The following SPIRE1 variants were observed in gnomAD, a reference collection of about 807,000 sequenced individuals.
SPIRE1 encodes the protein protein spire homolog 1.
SPIRE1 carries 40 observed loss-of-function variants against 94.1 expected under a neutral mutation model. The observed-to-expected ratio is 0.43, with a 90% CI of 0.33 to 0.55. The LOEUF (loss-of-function observed/expected upper bound fraction) is 0.55. Ranked by LOEUF, SPIRE1 falls within the 20% of genes least tolerant of loss-of-function variation. SPIRE1 has a pLI of 0.06. For missense variants in SPIRE1, 838 were observed against 975.2 expected (o/e 0.86, Z 1.87); for synonymous variants, 376 against 371.7 (o/e 1.01, Z -0.13).
At chr18:12,661,453 C>T (rs747349674), upstream of SPIRE1, 2 of 565,662 alleles carry the variant, frequency 3.5e-6, no homozygotes, top group Non-Finnish European at 4.5e-6. Flanking sequence ...CAGCACTGTC[C>T]CATTTTCTCA....
At chr18:12,565,929 G>A (rs1342306734) in intron 2 of SPIRE1, among the ~76,000 whole-genome samples, 1 of 151,536 alleles carries the variant, frequency 6.6e-6, no homozygotes, top group Non-Finnish European at 1.5e-5. Flanking sequence ...AGCTACTCGG[G>A]AGGCTGAGGG....
At chr18:12,524,084 T>C (rs1236861084) in intron 4 of SPIRE1, among the ~76,000 whole-genome samples, 1 of 152,244 alleles carries the variant, frequency 6.6e-6, no homozygotes, top group Non-Finnish European at 1.5e-5. Context: ...TGCAGTGGTT[T>C]GGAATCCAAC....
intron 1 of SPIRE1, among the ~76,000 whole-genome samples, chr18:12,640,147 A>C (rs576581241): frequency 6.6e-6 from 1 of 152,358 alleles, no homozygotes; most frequent in South Asian, 2.1e-4. Context: ...TTAAAGTAGA[A>C]ACCTCAGCAT....
chr18:12,527,372 A>G (rs1208608695), intron 4 of SPIRE1, among the ~76,000 whole-genome samples: 1 of 152,182 alleles, frequency 6.6e-6, no homozygotes. Flanking sequence ...GAAGGGTAAT[A>G]CTACCAAACT....
intron 2 of SPIRE1, among the ~76,000 whole-genome samples, chr18:12,589,468 A>T (rs1282438701): frequency 6.6e-6 from 1 of 152,198 alleles, no homozygotes; most frequent in Non-Finnish European, 1.5e-5. Flanking sequence ...TCTTTCTATG[A>T]CCTTTCCTCA....
intron 1 of SPIRE1, chr18:12,636,252 T>C (rs756556928): frequency 1.3e-5 from 2 of 150,400 alleles, no homozygotes; most frequent in African/African-American, 2.4e-5. Flanking sequence ...TAAATTCAAA[T>C]ATGCATTTAG....
chr18:12,528,374 T>C (rs1320558585), intron 4 of SPIRE1, among the ~76,000 whole-genome samples: 1 of 152,088 alleles, frequency 6.6e-6, no homozygotes, highest in Non-Finnish European at 1.5e-5. Flanking sequence ...TGAATGAACA[T>C]AGAGAAGAAA....
chr18:12,582,393 C>T (rs1452523987), intron 2 of SPIRE1, among the ~76,000 whole-genome samples: 1 of 152,140 alleles, frequency 6.6e-6, no homozygotes, highest in East Asian at 1.9e-4. Flanking sequence ...ATGGCAATGA[C>T]CAGCTATCTC....
intron 12 of SPIRE1, among the ~76,000 whole-genome samples, chr18:12,461,440 A>G (rs12964083): frequency 9.2e-5 from 11 of 119,378 alleles, no homozygotes; most frequent in African/African-American, 2.3e-4. Flanking sequence ...ATGTATGTAT[A>G]TACATACATG....
chr18:12,467,351 C>T (rs1351559140), intron 10 of SPIRE1, among the ~76,000 whole-genome samples: 1 of 152,158 alleles, frequency 6.6e-6, no homozygotes, highest in East Asian at 1.9e-4. Flanking sequence ...ATCATGAACA[C>T]CAAATCAAGC....
At chr18:12,604,643 A>G (rs762825337) in intron 2 of SPIRE1, among the ~76,000 whole-genome samples, 1 of 152,146 alleles carries the variant, frequency 6.6e-6, no homozygotes, top group Non-Finnish European at 1.5e-5. Flanking sequence ...CTGCATGACC[A>G]CTAGGTGCAA....
At chr18:12,461,547 A>C (rs4998302) in intron 12 of SPIRE1, among the ~76,000 whole-genome samples, 1 of 124,898 alleles carries the variant, frequency 8.0e-6, no homozygotes. Flanking sequence ...ACATATGTAT[A>C]TACATACATG....
rs185869341 is a variant in SPIRE1 at position 12,574,908 on chromosome 18, G to C, written c.373-28004C>G. ...GGCATCGTCATATGTACTGAATGTG[G>C]ATAAGAAGTAAGAGGAACTCTAGCA... On this transcript the variant is annotated intron_variant, in intron 2 of 16. Coordinates refer to ENST00000409402, the MANE Select transcript of SPIRE1 (RefSeq NM_001128626.2). Among the ~76,000 whole-genome samples, 308 of 152,288 alleles carry C rather than the reference G, an allele frequency of 2.0e-3. 4 individuals carry two copies. Among genetic ancestry groups the C allele is most frequent in the Admixed American group, 0.02 (299 of 15,290 alleles).
chr18:12,555,384 C>T (rs2035475267), intron 2 of SPIRE1, among the ~76,000 whole-genome samples: 2 of 152,024 alleles, frequency 1.3e-5, no homozygotes, highest in Non-Finnish European at 2.9e-5. Context: ...ATCTACAGGT[C>T]ATTATCACTG....
chr18:12,614,719 G>A (rs1405154369), intron 2 of SPIRE1, among the ~76,000 whole-genome samples: 1 of 152,166 alleles, frequency 6.6e-6, no homozygotes, highest in Non-Finnish European at 1.5e-5. Flanking sequence ...TTGGGAGGCT[G>A]AGGCAGGAGA....
intron 2 of SPIRE1, among the ~76,000 whole-genome samples, chr18:12,562,011 G>C (rs1156263241): frequency 6.6e-6 from 1 of 152,116 alleles, no homozygotes; most frequent in Non-Finnish European, 1.5e-5. Flanking sequence ...CTGACCTCTG[G>C]GAAGGATTGT....
At chr18:12,527,536 C>A (rs1351416459) in intron 4 of SPIRE1, among the ~76,000 whole-genome samples, 2 of 152,116 alleles carry the variant, frequency 1.3e-5, no homozygotes, top group African/African-American at 4.8e-5. Flanking sequence ...CCCCCAAGTA[C>A]ATAAATTATA....
chr18:12,525,686 C>A (rs1048227991), intron 4 of SPIRE1, among the ~76,000 whole-genome samples: 3 of 152,104 alleles, frequency 2.0e-5, no homozygotes, highest in Non-Finnish European at 2.9e-5. Context: ...CTCGCTCACA[C>A]CAGCTTCATC....
chr18:12,626,879 T>A (rs1468127282), intron 2 of SPIRE1, among the ~76,000 whole-genome samples: 1 of 49,370 alleles, frequency 2.0e-5, no homozygotes. Flanking sequence ...TATATATATA[T>A]ATATATATTT....
Sources: allele counts gnomAD v4.1 joint callset (sites outside exome capture counted in the v4.1 genomes callset), GRCh38; gene constraint gnomAD v4.1.1; transcripts MANE v1.5; gene names NCBI Gene and HGNC (gene_info 2026-07-23, HGNC 2026-07-21).